Variants in DNMT3A observed in about 807,000 individuals in gnomAD.
DNMT3A encodes DNA (cytosine-5)-methyltransferase 3A.
A neutral mutation model predicts 117.6 loss-of-function variants in DNMT3A; 267 were observed. That is an observed-to-expected ratio of 2.27 (90% confidence interval 2.05 to 2.51). The LOEUF (loss-of-function observed/expected upper bound fraction) is 2.51. Among genes scored for constraint, DNMT3A ranks in the 30% most tolerant of loss-of-function variants. The probability of loss-of-function intolerance (pLI) is 0.00; values close to 1 mark genes in which losing one functional copy is unlikely to be tolerated. For missense variants in DNMT3A, 1,029 were observed against 1,260.2 expected (o/e 0.82, Z 2.78); for synonymous variants, 432 against 474.8 (o/e 0.91, Z 1.17).
intron 2 of DNMT3A, among the ~76,000 whole-genome samples, chr2:25,307,779 G>T (rs2033864343): frequency 6.6e-6 from 1 of 152,076 alleles, no homozygotes; most frequent in African/African-American, 2.4e-5. Flanking sequence ...CTTCTATTCT[G>T]CACAGCTGAG....
At chr2:25,289,945 C>T (rs1379200837) in intron 3 of DNMT3A, among the ~76,000 whole-genome samples, 1 of 152,192 alleles carries the variant, frequency 6.6e-6, no homozygotes, top group Non-Finnish European at 1.5e-5. Flanking sequence ...ATGTCTGAAA[C>T]TCCCAATATG....
At chr2:25,299,309 C>T (rs1004551860) in intron 3 of DNMT3A, among the ~76,000 whole-genome samples, 1 of 152,212 alleles carries the variant, frequency 6.6e-6, no homozygotes, top group African/African-American at 2.4e-5. Context: ...GCCTACATGC[C>T]TGCAGGACTT....
At chr2:25,256,352 CCTT>C (rs562406823) in intron 6 of DNMT3A, among the ~76,000 whole-genome samples, 140 of 152,292 alleles carry the variant, frequency 9.2e-4, no homozygotes, top group Non-Finnish European at 1.6e-3. Flanking sequence ...TCATGCTGTT[CCTT>C]CTTCCTGGAA....
chr2:25,341,908 C>T lies in DNMT3A; in HGVS notation c.-260G>A. The stretch of plus-strand genomic sequence containing the variant: ...GTCCCGGCTCGTCCTCTGCTCTCGC[C>T]GCCGCCGCCGCCCGCGCGCCCTCCC... On this transcript the variant is annotated 5_prime_UTR_variant, in exon 1 of 23. Transcript: ENST00000321117. 6 of 980,762 alleles carry T rather than the reference C, an allele frequency of 6.1e-6. No individual in the cohort carries two copies. The highest frequency in any genetic ancestry group is 7.2e-6 in the Non-Finnish European group (6 of 828,086). The allele number at this position is 980,762 out of a possible 1,614,324, so 60.8% of individuals were successfully genotyped here.
intron 12 of DNMT3A, 63 bp from the exon 13 acceptor site, chr2:25,245,395 G>A: frequency 1.1e-5 from 16 of 1,477,370 alleles, no homozygotes; most frequent in South Asian, 5.9e-5. Context: ...CCCCGGGCCG[G>A]AGCCCAGCAC....
In DNMT3A at chr2:25,242,955, G is replaced by A. The variant is rs112468821; in HGVS notation, c.1936+943C>T. ...ATAGTAAATGACCTAATAGGGGTTC[G>A]TTAAATAAATTACGGCACTTTGACT... On this transcript the variant is annotated intron_variant, in intron 16 of 22. Transcript: ENST00000321117. 1.3e-3 allele frequency among the ~76,000 whole-genome samples: 202 copies of A among 152,236 alleles called. 2 individuals are homozygous for A. Among genetic ancestry groups the A allele is most frequent in the African/African-American group, 4.7e-3 (196 of 41,528 alleles).
intron 6 of DNMT3A, among the ~76,000 whole-genome samples, chr2:25,248,940 A>G (rs1434406345): frequency 6.6e-6 from 1 of 152,170 alleles, no homozygotes; most frequent in Non-Finnish European, 1.5e-5. Flanking sequence ...ATATGTATTC[A>G]TGTGCCATGT....
chr2:25,228,200 T>A lies in DNMT3A; in HGVS notation c.*6079A>T, dbSNP rs1376075922. On this transcript the variant is annotated 3_prime_UTR_variant, in exon 23 of 23. Transcript: ENST00000321117. Reference sequence around the variant, plus strand: ...TTGTCAATAAATAGAGAAGCAACCCTAAAAAAAAAAAAAAAAAAAAAAAAA... The same window carrying A: ...TTGTCAATAAATAGAGAAGCAACCCAAAAAAAAAAAAAAAAAAAAAAAAAA... The A allele has an allele frequency of 2.8e-3, 7 of 2,506 alleles. No individual in the cohort carries two copies. Among genetic ancestry groups the A allele is most frequent in the South Asian group, 0.012 (1 of 84 alleles). 0.2% of individuals were successfully genotyped at this position (2,506 alleles called of 1,614,324 possible). A position where few individuals can be genotyped will look rare whatever the true frequency, so the allele number is the denominator to read the frequency against.
intron 2 of DNMT3A, among the ~76,000 whole-genome samples, chr2:25,300,748 T>C (rs1163398494): frequency 3.5e-5 from 2 of 56,386 alleles, no homozygotes; most frequent in African/African-American, 1.5e-4. Flanking sequence ...TATATATATA[T>C]ATATATATAT....
chr2:25,243,118 A>T (rs1674279290), intron 16 of DNMT3A, among the ~76,000 whole-genome samples: 1 of 152,120 alleles, frequency 6.6e-6, no homozygotes, highest in African/African-American at 2.4e-5. Context: ...CAGCCTGGCC[A>T]ACACGGTGAA....
At chr2:25,274,864 G>A in intron 6 of DNMT3A, 77 bp downstream of exon 6, 6 of 1,544,614 alleles carry the variant, frequency 3.9e-6, no homozygotes, top group Non-Finnish European at 4.4e-6. Flanking sequence ...TTAGCCTGAA[G>A]GGGAAACTGA....
chr2:25,287,325 G>A (rs1283012561), intron 3 of DNMT3A, among the ~76,000 whole-genome samples: 1 of 152,078 alleles, frequency 6.6e-6, no homozygotes, highest in Non-Finnish European at 1.5e-5. Context: ...TGGGGGGCCA[G>A]ATGGGGGCCA....
rs1253868717 is a variant in DNMT3A, at chr2:25,243,921, G to C, written c.1913C>G (p.Ser638Cys). The C allele has an allele frequency of 3.2e-6, 5 of 1,552,112 alleles. No individual in the cohort carries two copies. Among genetic ancestry groups the C allele is most frequent in the Non-Finnish European group, 3.5e-6 (4 of 1,147,100 alleles). ...ACCTGTAGCGATTCCATCAAAGAGA[G>C]ACAGCACCCGGATGGGCTTCCTCTT... is the stretch of plus-strand genomic sequence containing the variant. Reference protein sequence around the residue: ...AEKRKPIRVLSLFDGIATGLL... With the variant: ...AEKRKPIRVLCLFDGIATGLL... The change falls in exon 16 of 23, where the codon TCT (serine) becomes TGT (cysteine). Residue 638 changes from serine (S) to cysteine (C), a missense_variant. Coordinates refer to ENST00000321117, the MANE Select transcript of DNMT3A (RefSeq NM_022552.5).
At chr2:25,246,501 G>T in intron 10 of DNMT3A, 119 bp downstream of exon 10, 7 of 1,475,422 alleles carry the variant, frequency 4.7e-6, no homozygotes, top group Non-Finnish European at 6.4e-6. Context: ...GACCCCGGCT[G>T]TTCCCACTGG....
Position 25,234,291 on chromosome 2 carries a change from A to C in DNMT3A, c.2727T>G (p.Phe909Leu). The change falls in exon 23 of 23, where the codon TTT becomes TTG. Residue 909 changes from phenylalanine (F) to leucine (L), a missense_variant. Transcript: ENST00000321117. The surrounding 1 kb of genome is among the most constrained non-coding windows in gnomAD (Gnocchi z 4.5). ...GCCCCCATGTCCCTTACACACACGC[A>C]AAATACTCCTTCAGCGGAGCGAAGA... ...RHLFAPLKEY[F>L]ACV is the part of the protein sequence containing the mutation. 1 of 1,613,576 alleles carries C rather than the reference A, an allele frequency of 6.2e-7. No homozygotes were observed. Among genetic ancestry groups the C allele is most frequent in the Non-Finnish European group, 8.5e-7 (1 of 1,179,708 alleles).
chr2:25,278,509 C>T (rs2031638544), intron 4 of DNMT3A, among the ~76,000 whole-genome samples: 1 of 152,166 alleles, frequency 6.6e-6, no homozygotes, highest in Non-Finnish European at 1.5e-5. Context: ...CTTCAGTCTC[C>T]CCATCTGAAA....
intron 22 of DNMT3A, among the ~76,000 whole-genome samples, chr2:25,235,137 A>G (rs1258606641): frequency 1.3e-5 from 2 of 151,876 alleles, no homozygotes; most frequent in Non-Finnish European, 2.9e-5. Context: ...CTGGGGGATC[A>G]GCAGGGTCTC....
chr2:25,338,511 C>G (rs975110814), intron 1 of DNMT3A, among the ~76,000 whole-genome samples: 1 of 152,164 alleles, frequency 6.6e-6, no homozygotes, highest in Non-Finnish European at 1.5e-5. Flanking sequence ...TGGGCAGCGG[C>G]GCACAGCAGC....
chr2:25,342,078 G>A (rs1451570266), upstream of DNMT3A, among the ~76,000 whole-genome samples: 1 of 115,282 alleles, frequency 8.7e-6, no homozygotes, highest in Non-Finnish European at 1.8e-5. The surrounding 1 kb of genome is among the most constrained non-coding windows in gnomAD (Gnocchi z 5.9). Context: ...GGCCGCCCGC[G>A]GGCCCAGGCC....
Sources: gnomAD v4.1 joint callset for allele counts (sites outside exome capture counted in the v4.1 genomes callset) on GRCh38, gnomAD v4.1.1 for gene constraint, Gnocchi (gnomAD v3.1) non-coding constraint, MANE v1.5 for transcripts, NCBI Gene and HGNC (gene_info 2026-07-23, HGNC 2026-07-21) for gene names.